Variants in CLVS1 observed in about 807,000 individuals in gnomAD.
CLVS1 encodes clavesin-1.
Under a neutral mutation model 33.1 loss-of-function variants are expected in CLVS1, and 10 were observed. The observed-to-expected ratio is 0.30, with a 90% CI of 0.19 to 0.51. CLVS1 has a LOEUF of 0.51. CLVS1 is among the 20% of genes least tolerant of loss of function. CLVS1 has a pLI of 0.97. For missense variants in CLVS1, 343 were observed against 433.4 expected (o/e 0.79, Z 1.85); for synonymous variants, 163 against 166.1 (o/e 0.98, Z 0.14).
chr8:60,988,369 G>C, the CLVS1 span, among the ~76,000 whole-genome samples: 2 of 152,014 alleles, frequency 1.3e-5, no homozygotes, highest in African/African-American at 4.8e-5. Context: ...TGGTGCCTGG[G>C]ACAGCTTCTC....
At chr8:61,430,888 C>T (rs2129605412) in intron 3 of CLVS1, among the ~76,000 whole-genome samples, 1 of 152,268 alleles carries the variant, frequency 6.6e-6, no homozygotes, top group East Asian at 1.9e-4. Context: ...AGCAAGAAAT[C>T]AGTGGGCTTC....
chr8:61,379,512 G>T (rs902420443), intron 3 of CLVS1, among the ~76,000 whole-genome samples: 1 of 152,092 alleles, frequency 6.6e-6, no homozygotes, highest in African/African-American at 2.4e-5. Flanking sequence ...AATCCTGCAC[G>T]TTGCATCACA....
intron 2 of CLVS1, among the ~76,000 whole-genome samples, chr8:61,160,075 T>C (rs943032027): frequency 6.6e-6 from 1 of 152,218 alleles, no homozygotes; most frequent in African/African-American, 2.4e-5. Flanking sequence ...GGGTGCTGCA[T>C]TTCCATTTCT....
intron 2 of CLVS1, among the ~76,000 whole-genome samples, chr8:61,235,152 G>A (rs762910919): frequency 8.2e-5 from 11 of 133,636 alleles, no homozygotes; most frequent in Middle Eastern, 3.6e-3. Context: ...TTTCCTTTAA[G>A]CAATTGCTGG....
At chr8:61,093,649 G>A (rs1805294479) in intron 1 of CLVS1, among the ~76,000 whole-genome samples, 1 of 152,224 alleles carries the variant, frequency 6.6e-6, no homozygotes, top group Non-Finnish European at 1.5e-5. Flanking sequence ...AAAAGGCTTG[G>A]TGAAGGGGAA....
At chr8:61,448,411 G>C (rs554992767) in intron 3 of CLVS1, among the ~76,000 whole-genome samples, 1 of 152,110 alleles carries the variant, frequency 6.6e-6, no homozygotes, top group African/African-American at 2.4e-5. Flanking sequence ...ACCCCAAAAA[G>C]GAAGGTTTCT....
In CLVS1 at chr8:61,324,945, A is replaced by G. The variant is rs144350804; in HGVS notation, c.455+24663A>G. Among the ~76,000 whole-genome samples, 238 of 152,262 alleles carry G rather than the reference A, an allele frequency of 1.6e-3. 2 individuals carry two copies. The highest frequency in any genetic ancestry group is 5.4e-3 in the East Asian group (28 of 5,176). ...ACATACCATGGCATGGATAATTGCA[A>G]TAGGCACTTCTGCTCACAATAAGGA... On this transcript the variant is annotated intron_variant, in intron 2 of 5. Coordinates refer to ENST00000325897, the MANE Select transcript of CLVS1 (RefSeq NM_173519.3).
intron 3 of CLVS1, among the ~76,000 whole-genome samples, chr8:61,401,722 T>C (rs1475106757): frequency 6.6e-6 from 1 of 152,320 alleles, no homozygotes. Context: ...AAAATTCATA[T>C]GGAACCAAAA....
the CLVS1 span, among the ~76,000 whole-genome samples, chr8:60,968,147 G>A: frequency 1.3e-5 from 2 of 152,112 alleles, no homozygotes; most frequent in Non-Finnish European, 2.9e-5. Flanking sequence ...TGCTCAGGCT[G>A]GTCTCAAACT....
At chr8:61,246,483 T>A (rs1808813123) in intron 2 of CLVS1, among the ~76,000 whole-genome samples, 1 of 152,094 alleles carries the variant, frequency 6.6e-6, no homozygotes, top group African/African-American at 2.4e-5. Flanking sequence ...CTTCCCAACT[T>A]TTACATTATT....
chr8:61,482,675 G>T (rs1246186496), intron 5 of CLVS1, among the ~76,000 whole-genome samples: 1 of 152,126 alleles, frequency 6.6e-6, no homozygotes, highest in African/African-American at 2.4e-5. Flanking sequence ...AAAAAGAAAT[G>T]AACAAAGCCT....
chr8:61,321,375 AT>A (rs149969199), intron 2 of CLVS1, among the ~76,000 whole-genome samples: 10 of 149,272 alleles, frequency 6.7e-5, no homozygotes, highest in African/African-American at 2.2e-4. Flanking sequence ...TTTGATGTGG[AT>A]TTTTTTTTCT....
intron 1 of CLVS1, among the ~76,000 whole-genome samples, chr8:61,100,918 A>G (rs1243500086): frequency 1.3e-5 from 2 of 152,096 alleles, no homozygotes; most frequent in Non-Finnish European, 2.9e-5. Context: ...TTTTTTTGGT[A>G]TTGTTGAATA....
intron 2 of CLVS1, among the ~76,000 whole-genome samples, chr8:61,315,703 A>G (rs1810984747): frequency 6.6e-6 from 1 of 152,246 alleles, no homozygotes; most frequent in South Asian, 2.1e-4. Context: ...AAGCTGTTGA[A>G]TAAGTGGCAC....
intron 2 of CLVS1, among the ~76,000 whole-genome samples, chr8:61,261,986 G>GTGTGTGTGTGTGTA (rs1554551237): frequency 8.9e-4 from 78 of 87,200 alleles, no homozygotes; most frequent in African/African-American, 4.1e-3. Context: ...GTGTGTGTGT[G>GTGTGTGTGTGTGTA]TGTGTGTGTG....
At chr8:61,297,867 C>A (rs1436509883) in intron 1 of CLVS1, among the ~76,000 whole-genome samples, 1 of 152,018 alleles carries the variant, frequency 6.6e-6, no homozygotes, top group African/African-American at 2.4e-5. Context: ...TAATCAACAT[C>A]AAATATTGAG....
intron 2 of CLVS1, among the ~76,000 whole-genome samples, chr8:61,206,303 T>C (rs994108243): frequency 6.6e-6 from 1 of 152,138 alleles, no homozygotes; most frequent in African/African-American, 2.4e-5. Flanking sequence ...ATTAATCCAA[T>C]GAGTATATAT....
chr8:61,087,884 A>G (rs1246265886), intron 1 of CLVS1, among the ~76,000 whole-genome samples: 1 of 152,214 alleles, frequency 6.6e-6, no homozygotes, highest in Non-Finnish European at 1.5e-5. Flanking sequence ...GACTGAAGAA[A>G]TAGAAATGCC....
chr8:61,318,573 A>T (rs554506996), intron 2 of CLVS1, among the ~76,000 whole-genome samples: 1 of 152,242 alleles, frequency 6.6e-6, no homozygotes, highest in African/African-American at 2.4e-5. Flanking sequence ...TATTATTTCT[A>T]TCTTCATATG....
Sources: allele counts gnomAD v4.1 joint callset (sites outside exome capture counted in the v4.1 genomes callset), GRCh38; gene constraint gnomAD v4.1.1; transcripts MANE v1.5; gene names NCBI Gene and HGNC (gene_info 2026-07-23, HGNC 2026-07-21).